Variants in MACROD2 observed in about 807,000 individuals in gnomAD.
MACROD2 encodes ADP-ribose glycohydrolase MACROD2.
MACROD2 carries 36 observed loss-of-function variants against 70.4 expected under a neutral mutation model. The observed-to-expected ratio is 0.51, with a 90% confidence interval of 0.39 to 0.68. The LOEUF (loss-of-function observed/expected upper bound fraction) is 0.68, where lower values mean the gene tolerates loss of function less well. Ranked by LOEUF, MACROD2 falls within the 30% of genes least tolerant of loss-of-function variation. The pLI is 0.00. For missense variants in MACROD2, 496 were observed against 538.4 expected, an observed-to-expected ratio of 0.92 and a Z score of 0.78; for synonymous variants, 172 against 178.8, an observed-to-expected ratio of 0.96 and a Z score of 0.30.
In MACROD2 at chr20:14,634,610, T is replaced by G. The variant is rs1203688301; in HGVS notation, c.302-50233T>G. ...TGTCAGCAGAACTGTTCAGAGAATT[T>G]GGGCAAATCAGGACTTCCTGAGAGA... On this transcript the variant is annotated intron_variant, in intron 4 of 17. Coordinates refer to ENST00000684519, the MANE Select transcript of MACROD2 (RefSeq NM_001351661.2). Among the ~76,000 whole-genome samples the G allele has an allele frequency of 3.3e-5, 5 of 149,624 alleles. No individual in the cohort carries two copies. The East Asian group carries it at 1.0e-3, about 30-fold the overall frequency.
chr20:14,252,421 A>C (rs2122277377), intron 3 of MACROD2, among the ~76,000 whole-genome samples: 1 of 152,058 alleles, frequency 6.6e-6, no homozygotes, highest in Non-Finnish European at 1.5e-5. Flanking sequence ...CTTTCACTGT[A>C]TAAAAACCCC....
intron 5 of MACROD2, among the ~76,000 whole-genome samples, chr20:14,827,807 T>C (rs2072919058): frequency 1.3e-5 from 2 of 152,068 alleles, no homozygotes. Flanking sequence ...AGCCTAATTA[T>C]TGACTAACAT....
At chr20:15,427,872 CT>C (rs1342829496) in intron 6 of MACROD2, among the ~76,000 whole-genome samples, 3 of 152,136 alleles carry the variant, frequency 2.0e-5, no homozygotes, top group African/African-American at 4.8e-5. Context: ...TTTTTTCCCC[CT>C]GGGAACATTT....
chr20:15,038,858 A>G (rs1018029364), intron 5 of MACROD2, among the ~76,000 whole-genome samples: 1 of 152,196 alleles, frequency 6.6e-6, no homozygotes, highest in African/African-American at 2.4e-5. Context: ...GATATGAAGT[A>G]GAACTGGATT....
chr20:15,222,161 G>A (rs2076867441), intron 5 of MACROD2, among the ~76,000 whole-genome samples: 2 of 152,166 alleles, frequency 1.3e-5, no homozygotes, highest in African/African-American at 4.8e-5. Context: ...AGTCTTTCCG[G>A]ACATAGACAG....
At chr20:14,834,474 G>A (rs2073007364) in intron 5 of MACROD2, among the ~76,000 whole-genome samples, 1 of 151,874 alleles carries the variant, frequency 6.6e-6, no homozygotes, top group Admixed American at 6.6e-5. Context: ...ATAAATCAGG[G>A]GTCCCAATCA....
intron 5 of MACROD2, among the ~76,000 whole-genome samples, chr20:15,133,758 T>C (rs1028816476): frequency 1.3e-5 from 2 of 152,104 alleles, no homozygotes; most frequent in East Asian, 1.9e-4. Context: ...TGACACACAA[T>C]TGAAAACAAT....
intron 4 of MACROD2, among the ~76,000 whole-genome samples, chr20:14,571,699 C>T (rs928383089): frequency 1.3e-5 from 2 of 152,116 alleles, no homozygotes; most frequent in Admixed American, 6.5e-5. Flanking sequence ...TGCCTGCTCC[C>T]AGTTCTTTGA....
intron 3 of MACROD2, among the ~76,000 whole-genome samples, chr20:14,358,588 C>T (rs925848263): frequency 1.1e-4 from 16 of 152,096 alleles, no homozygotes; most frequent in African/African-American, 3.9e-4. Flanking sequence ...TCCCTAGTAG[C>T]TGGGACTACA....
chr20:14,911,387 C>A (rs1348897561), intron 5 of MACROD2, among the ~76,000 whole-genome samples: 3 of 151,688 alleles, frequency 2.0e-5, no homozygotes, highest in Non-Finnish European at 4.4e-5. Flanking sequence ...ACTTTTTTTC[C>A]CCCTTCTAGA....
chr20:14,368,987 G>T (rs1214938319), intron 3 of MACROD2, among the ~76,000 whole-genome samples: 1 of 152,108 alleles, frequency 6.6e-6, no homozygotes, highest in Non-Finnish European at 1.5e-5. Flanking sequence ...AAAGCTGAAA[G>T]AATAAGTTTT....
At chr20:15,283,817 T>C (rs966781552) in intron 6 of MACROD2, among the ~76,000 whole-genome samples, 1 of 152,216 alleles carries the variant, frequency 6.6e-6, no homozygotes, top group Admixed American at 6.5e-5. Context: ...CATTTTATCA[T>C]GGAAAATGCC....
chr20:15,821,859 CCAGTCCCCTGTG>C (rs1400028517), intron 8 of MACROD2, among the ~76,000 whole-genome samples: 1 of 152,068 alleles, frequency 6.6e-6, no homozygotes, highest in Non-Finnish European at 1.5e-5. Flanking sequence ...AGTCTTAGAA[CCAGTCCCCTGTG>C]GATACCGAGG....
At chr20:15,422,347 A>G (rs1463561799) in intron 6 of MACROD2, among the ~76,000 whole-genome samples, 1 of 152,108 alleles carries the variant, frequency 6.6e-6, no homozygotes, top group Non-Finnish European at 1.5e-5. Flanking sequence ...CTGTAAGAGA[A>G]CTGTTCTCAC....
At chr20:15,980,447 T>C (rs1408718556) in intron 13 of MACROD2, among the ~76,000 whole-genome samples, 1 of 152,246 alleles carries the variant, frequency 6.6e-6, no homozygotes, top group Non-Finnish European at 1.5e-5. Flanking sequence ...GTGATTCATA[T>C]AGTACACTTG....
intron 8 of MACROD2, among the ~76,000 whole-genome samples, chr20:15,796,760 G>A (rs1279044439): frequency 6.6e-6 from 1 of 152,180 alleles, no homozygotes; most frequent in Non-Finnish European, 1.5e-5. Context: ...TAAATAACAT[G>A]AAATGAGTAC....
intron 1 of MACROD2, among the ~76,000 whole-genome samples, chr20:13,998,548 A>G (rs1751606216): frequency 6.6e-6 from 1 of 152,122 alleles, no homozygotes; most frequent in African/African-American, 2.4e-5. Flanking sequence ...CATACTGCTA[A>G]TCATCTCCCT....
chr20:14,663,037 G>T (rs1165910390), intron 4 of MACROD2, among the ~76,000 whole-genome samples: 1 of 151,756 alleles, frequency 6.6e-6, no homozygotes, highest in Non-Finnish European at 1.5e-5. Context: ...GCACACATAT[G>T]TTCATTACAC....
At chr20:15,252,960 CT>C (rs1473661814) in intron 6 of MACROD2, among the ~76,000 whole-genome samples, 1 of 152,152 alleles carries the variant, frequency 6.6e-6, no homozygotes. Flanking sequence ...AAATTTGCAT[CT>C]GTTAATGTAT....
Sources: allele counts gnomAD v4.1 joint callset (sites outside exome capture counted in the v4.1 genomes callset), GRCh38; gene constraint gnomAD v4.1.1; transcripts MANE v1.5; gene names NCBI Gene and HGNC (gene_info 2026-07-23, HGNC 2026-07-21).